The following AMOT variants were observed in gnomAD, a reference collection of about 807,000 sequenced individuals.
The protein encoded by AMOT is angiomotin.
AMOT carries 11 observed loss-of-function variants against 67.0 expected under a neutral mutation model. That is an observed-to-expected ratio of 0.16 (90% CI 0.10 to 0.27). AMOT has a LOEUF of 0.27. AMOT is among the 10% of genes least tolerant of loss of function. The pLI is 1.00. For missense variants in AMOT, 753 were observed against 852.0 expected, an observed-to-expected ratio of 0.88 and a Z score of 1.45; for synonymous variants, 326 against 321.4, an observed-to-expected ratio of 1.01 and a Z score of -0.15.
intron 7 of AMOT, among the ~76,000 whole-genome samples, chrX:112,805,446 C>T (rs1934151392): frequency 9.1e-6 from 1 of 110,202 alleles, no homozygotes; most frequent in Admixed American, 9.7e-5. Context: ...GTAGGCTCAT[C>T]TCCTCAATTT....
chrX:112,778,514 GA>G lies in AMOT; in HGVS notation c.*52del. Reference sequence around the variant, plus strand: ...TCAAAACAAGAACCAATAAAAGGGGGAAAATGATTAAAAGCATTTTTGCTGA... The same window carrying G: ...TCAAAACAAGAACCAATAAAAGGGGGAAATGATTAAAAGCATTTTTGCTGA... On this transcript the variant is annotated 3_prime_UTR_variant, in exon 14 of 14. Transcript: ENST00000371959. The G allele has an allele frequency of 1.8e-6, 2 of 1,096,136 alleles. No homozygotes were observed. The allele number at this position is 1,096,136 out of a possible 1,213,427, so 90.3% of individuals were successfully genotyped here.
chrX:112,817,141 T>A, intron 4 of AMOT, among the ~76,000 whole-genome samples: 1 of 112,224 alleles, frequency 8.9e-6, no homozygotes. Context: ...GTGCATGGGA[T>A]CTGGATCCCA....
At chrX:112,785,830 A>G (rs1028425648) in intron 10 of AMOT, among the ~76,000 whole-genome samples, 21 of 112,321 alleles carry the variant, frequency 1.9e-4, no homozygotes, top group African/African-American at 6.8e-4. Context: ...TTTGGAGACA[A>G]TATCAATGTG....
At position 112,823,131 on chromosome X, in the gene AMOT, A is replaced by G. The variant is rs374619005; in HGVS notation, c.-5T>C. 115 of 1,146,527 alleles carry G rather than the reference A, an allele frequency of 1.0e-4. 1 individual carries two copies. In the African/African-American group the frequency reaches 2.0e-3, roughly 20 times the overall value. The allele number at this position is 1,146,527 out of a possible 1,213,427, so 94.5% of individuals were successfully genotyped here. On this transcript the variant is annotated 5_prime_UTR_variant, in exon 4 of 14. Transcript: ENST00000371959. ...CTGTTCTTCAGAATTTCTCATCTCT[A>G]TTGCTGGTGGTGCCTTGTGAAGAGA...
At chrX:112,789,097 A>G (rs1933481789) in intron 10 of AMOT, among the ~76,000 whole-genome samples, 1 of 111,706 alleles carries the variant, frequency 9.0e-6, no homozygotes, top group Non-Finnish European at 1.9e-5. Context: ...CTCACACTGC[A>G]CACTCTCGTG....
chrX:112,799,112 C>T (rs993648294), intron 8 of AMOT, among the ~76,000 whole-genome samples: 10 of 112,093 alleles, frequency 8.9e-5, no homozygotes, highest in Admixed American at 8.5e-4. Flanking sequence ...CACTAGTGGA[C>T]AAAGAACAGG....
intron 4 of AMOT, among the ~76,000 whole-genome samples, chrX:112,816,555 AC>A (rs1164174572): frequency 1.8e-5 from 2 of 112,317 alleles, no homozygotes; most frequent in African/African-American, 3.2e-5. Flanking sequence ...AGCAATGCTA[AC>A]ATACTATTTT....
In AMOT at chrX:112,778,437, A is replaced by G. The variant is rs1569387692; in HGVS notation, c.*130T>C. Reference sequence around the variant, plus strand: ...ATTACTCAAGTAGTACATTGTTCCAATAAAAAGTCCTGTTAAAAAACATCC... The same window carrying G: ...ATTACTCAAGTAGTACATTGTTCCAGTAAAAAGTCCTGTTAAAAAACATCC... On this transcript the variant is annotated 3_prime_UTR_variant, in exon 14 of 14. Coordinates refer to ENST00000371959, the MANE Select transcript of AMOT (RefSeq NM_001113490.2). The G allele has an allele frequency of 7.3e-6, 4 of 551,494 alleles. No homozygotes were observed. Among genetic ancestry groups the G allele is most frequent in the Non-Finnish European group, 1.2e-5 (4 of 341,442 alleles). 45.4% of individuals were successfully genotyped at this position (551,494 alleles called of 1,213,427 possible). A position where few individuals can be genotyped will look rare whatever the true frequency, so the allele number is the denominator to read the frequency against.
chrX:112,795,848 C>T lies in AMOT; in HGVS notation c.1777-3867G>A, dbSNP rs186218065. ...TCATGTTCATTTTTGTTGTCTGTTA[C>T]CTGTCTTCCCTAGAGAATGGGCCTC... On this transcript the variant is annotated intron_variant, in intron 8 of 13. Coordinates refer to ENST00000371959, the MANE Select transcript of AMOT (RefSeq NM_001113490.2). Among the ~76,000 whole-genome samples, 624 of 111,160 alleles carry T rather than the reference C, an allele frequency of 5.6e-3. 1 individual carries two copies. Among genetic ancestry groups the T allele is most frequent in the African/African-American group, 0.019 (587 of 30,567 alleles).
intron 7 of AMOT, among the ~76,000 whole-genome samples, chrX:112,807,758 T>C (rs1484077310): frequency 1.8e-5 from 2 of 112,321 alleles, no homozygotes; most frequent in Non-Finnish European, 3.8e-5. Context: ...AGGAACTTAC[T>C]ACATAAAGCA....
chrX:112,809,265 T>C (rs1458636535), intron 7 of AMOT, among the ~76,000 whole-genome samples: 2 of 111,991 alleles, frequency 1.8e-5, no homozygotes, highest in Non-Finnish European at 3.8e-5. Context: ...ATTGTCTAGC[T>C]GGGTGGGGTC....
intron 4 of AMOT, among the ~76,000 whole-genome samples, chrX:112,818,963 C>T (rs1934639860): frequency 9.0e-6 from 1 of 110,722 alleles, no homozygotes; most frequent in Non-Finnish European, 1.9e-5. Flanking sequence ...CCTAAGGCTA[C>T]CTGGGCCACT....
At chrX:112,792,075 G>T in intron 8 of AMOT, 94 bp from the exon 9 acceptor site, 2 of 1,046,895 alleles carry the variant, frequency 1.9e-6, no homozygotes, top group Non-Finnish European at 2.6e-6. Flanking sequence ...CTTGTGTTTA[G>T]ATCTCTTCTT....
At chrX:112,794,446 T>A (rs747176779) in intron 8 of AMOT, among the ~76,000 whole-genome samples, 2 of 111,598 alleles carry the variant, frequency 1.8e-5, no homozygotes, top group African/African-American at 6.5e-5. Flanking sequence ...TCCCACCTCA[T>A]TTAAAAGGAG....
Position 112,810,244 on chromosome X carries a change from A to T in AMOT, c.1538-258T>A, listed in dbSNP as rs200472068. On this transcript the variant is annotated intron_variant, in intron 6 of 13. Transcript: ENST00000371959. ...AGTGCAGAATTCTAAATTTCAATGA[A>T]ATTATCCATCCCCAAATATATAAAG... Among the ~76,000 whole-genome samples, 26 of 111,983 alleles carry T rather than the reference A, an allele frequency of 2.3e-4. No homozygotes were observed. In the East Asian group the frequency reaches 7.3e-3, roughly 31 times the overall value.
At chrX:112,788,527 G>C (rs1774605553) in intron 10 of AMOT, among the ~76,000 whole-genome samples, 2 of 112,021 alleles carry the variant, frequency 1.8e-5, no homozygotes, top group South Asian at 3.7e-4. Flanking sequence ...TGAAAGGAAA[G>C]AGGAAAAGAA....
At chrX:112,829,626 T>A (rs1934936643) in intron 2 of AMOT, among the ~76,000 whole-genome samples, 1 of 112,387 alleles carries the variant, frequency 8.9e-6, no homozygotes, top group Non-Finnish European at 1.9e-5. Context: ...GGTTGAAAAA[T>A]TATTTTAAGA....
intron 2 of AMOT, among the ~76,000 whole-genome samples, chrX:112,829,774 C>T (rs1934941025): frequency 9.0e-6 from 1 of 111,408 alleles, no homozygotes; most frequent in Admixed American, 9.6e-5. Flanking sequence ...TTACCTTAAA[C>T]ATGTTTATAG....
At chrX:112,804,916 C>CCCCCCCCCAAA in intron 8 of AMOT, 31 bp downstream of exon 8, 6 of 1,190,665 alleles carry the variant, frequency 5.0e-6, no homozygotes, top group East Asian at 6.0e-5. Context: ...CTCCCACCCC[C>CCCCCCCCCAAA]AGGCTCATAT....
Sources: allele counts gnomAD v4.1 joint callset (sites outside exome capture counted in the v4.1 genomes callset), GRCh38; gene constraint gnomAD v4.1.1; transcripts MANE v1.5; gene names NCBI Gene and HGNC (gene_info 2026-07-23, HGNC 2026-07-21).